Variants in PPARGC1B observed in about 807,000 individuals in gnomAD.
The protein encoded by PPARGC1B is peroxisome proliferator-activated receptor gamma coactivator 1-beta.
In PPARGC1B, 34 loss-of-function variants were observed where a neutral mutation model predicts 101.6. That is an observed-to-expected ratio of 0.33 (90% CI 0.25 to 0.45). The LOEUF is 0.45. Ranked by LOEUF, PPARGC1B falls within the 20% of genes least tolerant of loss-of-function variation. PPARGC1B has a pLI of 1.00. For synonymous variants in PPARGC1B, 548 were observed against 539.3 expected (o/e 1.02, Z -0.22); for missense variants, 1,234 against 1,317.6 (o/e 0.94, Z 0.98).
chr5:149,735,721 G>A (rs1754680400), intron 1 of PPARGC1B, among the ~76,000 whole-genome samples: 2 of 152,190 alleles, frequency 1.3e-5, no homozygotes, highest in African/African-American at 4.8e-5. Context: ...AGTGGGCAGT[G>A]TTCCCAGACT....
rs149808190 is a variant in PPARGC1B, at chr5:149,785,595, T to C, written c.79-34838T>C. On this transcript the variant is annotated intron_variant, in intron 1 of 11. Transcript: ENST00000309241. ...TGCCAGGTAATTATAGAGAGCCTGC[T>C]GTGCGCTTGGCCTTGGCCTCTACTC... Among the ~76,000 whole-genome samples the C allele has an allele frequency of 3.5e-3, 528 of 152,374 alleles. 3 individuals are homozygous for C. The highest frequency in any genetic ancestry group is 0.012 in the African/African-American group (510 of 41,582).
intron 1 of PPARGC1B, among the ~76,000 whole-genome samples, chr5:149,778,412 G>A (rs1210066674): frequency 6.6e-6 from 1 of 151,948 alleles, no homozygotes; most frequent in Non-Finnish European, 1.5e-5. Context: ...CCAGAGGCAG[G>A]GAGAGGAGGC....
chr5:149,759,195 A>T (rs1755633637), intron 1 of PPARGC1B, among the ~76,000 whole-genome samples: 1 of 152,156 alleles, frequency 6.6e-6, no homozygotes, highest in African/African-American at 2.4e-5. Context: ...AGGTTTAAAG[A>T]AGGTTTTTTC....
chr5:149,801,005 G>T (rs1373597947), intron 1 of PPARGC1B, among the ~76,000 whole-genome samples: 1 of 152,186 alleles, frequency 6.6e-6, no homozygotes, highest in Non-Finnish European at 1.5e-5. Context: ...ATGGGTCATG[G>T]ACATATGGCG....
chr5:149,750,465 T>A lies in PPARGC1B; in HGVS notation c.78+20045T>A, dbSNP rs1171753213. Among the ~76,000 whole-genome samples, 29 of 49,850 alleles carry A rather than the reference T, an allele frequency of 5.8e-4. 1 individual carries two copies. The highest frequency in any genetic ancestry group is 2.8e-3 in the African/African-American group (26 of 9,266). 32.7% of individuals were successfully genotyped at this position (49,850 alleles called of 152,430 possible). A position where few individuals can be genotyped will look rare whatever the true frequency, so the allele number is the denominator to read the frequency against. ...CTGTTTTAGTTAAAATATATATATA[T>A]ATATATATATATATATATATATATG... On this transcript the variant is annotated intron_variant, in intron 1 of 11. Coordinates refer to ENST00000309241, the MANE Select transcript of PPARGC1B (RefSeq NM_133263.4).
intron 1 of PPARGC1B, among the ~76,000 whole-genome samples, chr5:149,792,381 C>T (rs1757052986): frequency 6.6e-6 from 1 of 152,064 alleles, no homozygotes; most frequent in South Asian, 2.1e-4. Flanking sequence ...CACAGCAGCT[C>T]CCCAGAGGCA....
chr5:149,791,671 T>A (rs1191511192), intron 1 of PPARGC1B, among the ~76,000 whole-genome samples: 3 of 151,594 alleles, frequency 2.0e-5, no homozygotes, highest in Non-Finnish European at 4.4e-5. Flanking sequence ...AGAGGGAATT[T>A]TTTTGCTGTA....
chr5:149,834,574 G>A (rs965798709), intron 5 of PPARGC1B, 100 bp from the exon 6 acceptor site: 1 of 1,067,992 alleles, frequency 9.4e-7, no homozygotes, highest in East Asian at 2.4e-5. Context: ...AAGGGCAGCT[G>A]TGCTTGGCAC....
At chr5:149,755,502 C>T (rs1218520675) in intron 1 of PPARGC1B, among the ~76,000 whole-genome samples, 1 of 152,076 alleles carries the variant, frequency 6.6e-6, no homozygotes, top group Non-Finnish European at 1.5e-5. Flanking sequence ...TAGATGTAAA[C>T]CCTGGACTGT....
chr5:149,779,954 G>A (rs1210645949), intron 1 of PPARGC1B, among the ~76,000 whole-genome samples: 1 of 152,190 alleles, frequency 6.6e-6, no homozygotes, highest in East Asian at 1.9e-4. Context: ...CTGTTTGCTG[G>A]TGTCATTTTC....
chr5:149,803,422 A>G (rs1757495744), intron 1 of PPARGC1B, among the ~76,000 whole-genome samples: 1 of 152,204 alleles, frequency 6.6e-6, no homozygotes, highest in African/African-American at 2.4e-5. Context: ...AATTTACAGC[A>G]TAAAGGATTT....
At chr5:149,759,717 ATCCTTCACCAG>A (rs1755654177) in intron 1 of PPARGC1B, among the ~76,000 whole-genome samples, 1 of 152,208 alleles carries the variant, frequency 6.6e-6, no homozygotes, top group East Asian at 1.9e-4. Flanking sequence ...AATGACCCAC[ATCCTTCACCAG>A]GCATGCTGCC....
intron 1 of PPARGC1B, among the ~76,000 whole-genome samples, chr5:149,802,579 T>G (rs1757465368): frequency 6.6e-6 from 1 of 151,244 alleles, no homozygotes; most frequent in South Asian, 2.1e-4. Flanking sequence ...GCTAACAGTT[T>G]GGACAGCTGT....
intron 1 of PPARGC1B, among the ~76,000 whole-genome samples, chr5:149,773,580 AC>A (rs10717425): frequency 0.085 from 12,975 of 152,226 alleles, 598 homozygotes; most frequent in South Asian, 0.16. Context: ...CTCCACCTTC[AC>A]AGACAGGGGT....
intron 7 of PPARGC1B, among the ~76,000 whole-genome samples, chr5:149,835,947 C>CTT (rs1204139507): frequency 7.8e-6 from 1 of 128,818 alleles, no homozygotes; most frequent in Non-Finnish European, 1.7e-5. Context: ...AAACTAGGGT[C>CTT]TTTTTTTTTT....
chr5:149,772,891 G>A (rs563569479), intron 1 of PPARGC1B, among the ~76,000 whole-genome samples: 5 of 152,268 alleles, frequency 3.3e-5, no homozygotes, highest in Non-Finnish European at 5.9e-5. Context: ...GTGACCTTGT[G>A]AAGATATTTG....
Position 149,775,815 on chromosome 5 carries a change from A to G in PPARGC1B, c.79-44618A>G, listed in dbSNP as rs962652903. 5.3e-5 allele frequency among the ~76,000 whole-genome samples: 8 copies of G among 151,716 alleles called. No individual in the cohort carries two copies. In the East Asian group the frequency reaches 5.8e-4, roughly 11 times the overall value. On this transcript the variant is annotated intron_variant, in intron 1 of 11. Transcript: ENST00000309241. ...GCCTTTGGATCTCCTTCTCCAATTC[A>G]CCCCCTACCCCCTTCTCTTTCTCCA... is the stretch of plus-strand genomic sequence containing the variant.
At chr5:149,754,520 CTG>C (rs1755434136) in intron 1 of PPARGC1B, among the ~76,000 whole-genome samples, 1 of 152,186 alleles carries the variant, frequency 6.6e-6, no homozygotes, top group African/African-American at 2.4e-5. Flanking sequence ...GTTTTTAAAA[CTG>C]TAGAAAGCTG....
chr5:149,788,540 T>C (rs994845811), intron 1 of PPARGC1B, among the ~76,000 whole-genome samples: 1 of 152,208 alleles, frequency 6.6e-6, no homozygotes, highest in Admixed American at 6.5e-5. Flanking sequence ...GATCTAGAAC[T>C]AGAAATAACA....
Sources: gnomAD v4.1 joint callset for allele counts (sites outside exome capture counted in the v4.1 genomes callset) on GRCh38, gnomAD v4.1.1 for gene constraint, MANE v1.5 for transcripts, NCBI Gene and HGNC (gene_info 2026-07-23, HGNC 2026-07-21) for gene names.